Variants in EXOC6B observed in about 807,000 individuals in gnomAD.
EXOC6B encodes the protein SEC15 homolog B.
A neutral mutation model predicts 113.5 loss-of-function variants in EXOC6B; 54 were observed. The ratio of observed to expected loss-of-function variants is 0.48; its 90% CI spans 0.38 to 0.60. The LOEUF is 0.60. Ranked by LOEUF, EXOC6B falls within the 20% of genes least tolerant of loss-of-function variation. The pLI, the probability that EXOC6B is intolerant of heterozygous loss-of-function variation, is 0.00. For synonymous variants in EXOC6B, 357 were observed against 339.0 expected (o/e 1.05, Z -0.58); for missense variants, 797 against 977.5 (o/e 0.82, Z 2.46).
At chr2:72,296,797 T>A (rs2104736333) in intron 20 of EXOC6B, among the ~76,000 whole-genome samples, 1 of 152,322 alleles carries the variant, frequency 6.6e-6, no homozygotes, top group Middle Eastern at 3.4e-3. Context: ...TTTCTGTTTT[T>A]TTCCTCAGTT....
intron 1 of EXOC6B, among the ~76,000 whole-genome samples, chr2:72,747,700 T>G (rs1013488069): frequency 1.3e-5 from 2 of 152,008 alleles, no homozygotes; most frequent in Admixed American, 6.6e-5. Flanking sequence ...GTCTACACAC[T>G]TTACAAAGCA....
At chr2:72,568,773 G>T (rs1457798682) in intron 7 of EXOC6B, among the ~76,000 whole-genome samples, 5 of 151,938 alleles carry the variant, frequency 3.3e-5, no homozygotes, top group Admixed American at 6.6e-5. Flanking sequence ...GGCATTCTTG[G>T]CAAGAAGAAG....
Position 72,338,549 on chromosome 2 carries a change from T to G in EXOC6B, c.2123-3529A>C, listed in dbSNP as rs536849627. Among the ~76,000 whole-genome samples, 11 of 152,240 alleles carry G rather than the reference T, an allele frequency of 7.2e-5. 1 individual carries two copies. The highest frequency in any genetic ancestry group is 2.6e-4 in the African/African-American group (11 of 41,558). ...TAGTGTTTTAGCTACAGCATAGCAA[T>G]TTTCATTAGTATTGTTTTAAAAATT... is the stretch of plus-strand genomic sequence containing the variant. On this transcript the variant is annotated intron_variant, in intron 19 of 21. Transcript: ENST00000272427.
At chr2:72,409,891 A>AT (rs1302605546) in intron 18 of EXOC6B, among the ~76,000 whole-genome samples, 2 of 152,144 alleles carry the variant, frequency 1.3e-5, no homozygotes, top group Non-Finnish European at 2.9e-5. Context: ...ATGTATACCA[A>AT]TAAAAAAAAC....
chr2:72,641,911 T>C (rs2104347508), intron 6 of EXOC6B, among the ~76,000 whole-genome samples: 1 of 152,358 alleles, frequency 6.6e-6, no homozygotes, highest in East Asian at 1.9e-4. Flanking sequence ...TATTTGCTGC[T>C]CTGCAGCCTC....
rs924252487 is a variant in EXOC6B, at chr2:72,825,915, T to G, written c.-5A>C. ...CGCCATCTTACCCCGCTCCATAGAC[T>G]GGGGGCGCCCCGCAGCGCGTCCCCT... On this transcript the variant is annotated 5_prime_UTR_variant, in exon 1 of 22. Coordinates refer to ENST00000272427, the MANE Select transcript of EXOC6B (RefSeq NM_015189.3). The surrounding 1 kb of genome is among the most constrained non-coding windows in gnomAD (Gnocchi z 4.4). 1.2e-6 allele frequency: 2 copies of G among 1,611,772 alleles called. No homozygotes were observed. Among genetic ancestry groups the G allele is most frequent in the African/African-American group, 1.3e-5 (1 of 74,926 alleles).
intron 8 of EXOC6B, among the ~76,000 whole-genome samples, chr2:72,527,573 G>C (rs1573327957): frequency 6.6e-6 from 1 of 151,924 alleles, no homozygotes; most frequent in South Asian, 2.1e-4. Context: ...ATTTCTCTGG[G>C]ACAAATGCCT....
chr2:72,368,599 G>T (rs984385846), intron 19 of EXOC6B, among the ~76,000 whole-genome samples: 9 of 152,064 alleles, frequency 5.9e-5, no homozygotes, highest in Non-Finnish European at 1.0e-4. Flanking sequence ...GATGAACATC[G>T]ATGCAAAAAT....
intron 1 of EXOC6B, among the ~76,000 whole-genome samples, chr2:72,761,684 C>T (rs1682750647): frequency 6.6e-6 from 1 of 152,122 alleles, no homozygotes; most frequent in Non-Finnish European, 1.5e-5. Flanking sequence ...GGGCATTTTC[C>T]TGCCATAGGC....
At chr2:72,516,334 G>C (rs1268305800) in intron 8 of EXOC6B, among the ~76,000 whole-genome samples, 1 of 152,064 alleles carries the variant, frequency 6.6e-6, no homozygotes, top group Non-Finnish European at 1.5e-5. Flanking sequence ...TGCAACCTCT[G>C]CCTTCTGTGT....
At chr2:72,575,285 A>G (rs892242083) in intron 7 of EXOC6B, among the ~76,000 whole-genome samples, 2 of 152,164 alleles carry the variant, frequency 1.3e-5, no homozygotes, top group Non-Finnish European at 2.9e-5. Context: ...TGAATTTAAA[A>G]TTTGAATTCT....
chr2:72,399,735 T>C (rs1052895126), intron 18 of EXOC6B, among the ~76,000 whole-genome samples: 6 of 152,036 alleles, frequency 3.9e-5, no homozygotes, highest in African/African-American at 1.4e-4. Context: ...TTTAACCCAG[T>C]TGGTAAAAGA....
chr2:72,508,394 G>A (rs1349310050), intron 11 of EXOC6B, among the ~76,000 whole-genome samples: 1 of 152,062 alleles, frequency 6.6e-6, no homozygotes, highest in East Asian at 1.9e-4. Flanking sequence ...GTAACAAAGT[G>A]ATTCTCAAGT....
chr2:72,348,652 A>T (rs961726937), intron 19 of EXOC6B, among the ~76,000 whole-genome samples: 1 of 152,116 alleles, frequency 6.6e-6, no homozygotes, highest in Admixed American at 6.6e-5. Flanking sequence ...CAGGATAAAA[A>T]CTCTCTGCCT....
intron 19 of EXOC6B, among the ~76,000 whole-genome samples, chr2:72,346,716 A>G (rs867218201): frequency 6.6e-6 from 1 of 152,226 alleles, no homozygotes; most frequent in Non-Finnish European, 1.5e-5. Flanking sequence ...GAATTAAATC[A>G]GTAATTTTTG....
intron 20 of EXOC6B, among the ~76,000 whole-genome samples, chr2:72,209,506 C>G (rs1680051534): frequency 6.6e-6 from 1 of 152,054 alleles, no homozygotes; most frequent in African/African-American, 2.4e-5. Flanking sequence ...AGATCCAGAC[C>G]TTGTCTCCAA....
intron 6 of EXOC6B, among the ~76,000 whole-genome samples, chr2:72,660,914 T>C (rs893691000): frequency 3.3e-5 from 5 of 152,080 alleles, no homozygotes; most frequent in African/African-American, 4.8e-5. Flanking sequence ...AGTTGTCTAG[T>C]TCTGGCTCAA....
intron 6 of EXOC6B, among the ~76,000 whole-genome samples, chr2:72,661,687 A>G (rs1465720799): frequency 1.3e-5 from 2 of 152,120 alleles, no homozygotes; most frequent in Non-Finnish European, 2.9e-5. Context: ...ATTTTTATAG[A>G]TAGAAACAAG....
chr2:72,475,281 C>G (rs1337446936), intron 17 of EXOC6B, among the ~76,000 whole-genome samples: 1 of 152,084 alleles, frequency 6.6e-6, no homozygotes, highest in African/African-American at 2.4e-5. Context: ...TGGGGATGTT[C>G]TTGAACCCCT....
Sources: allele counts gnomAD v4.1 joint callset (sites outside exome capture counted in the v4.1 genomes callset), GRCh38; gene constraint gnomAD v4.1.1; non-coding constraint Gnocchi (gnomAD v3.1); transcripts MANE v1.5; gene names NCBI Gene and HGNC (gene_info 2026-07-23, HGNC 2026-07-21).